The following LRRC37A2 variants were observed in gnomAD, a reference collection of about 807,000 sequenced individuals.
The protein encoded by LRRC37A2 is leucine-rich repeat-containing protein 37A2.
A neutral mutation model predicts 68.8 loss-of-function variants in LRRC37A2; 9 were observed. That is an observed-to-expected ratio of 0.13 (90% CI 0.08 to 0.23). LRRC37A2 has a LOEUF of 0.23. LRRC37A2 is among the 10% of genes least tolerant of loss of function. LRRC37A2 has a pLI of 1.00. For synonymous variants in LRRC37A2, 63 were observed against 367.6 expected (o/e 0.17, Z 9.48); for missense variants, 168 against 950.4 (o/e 0.18, Z 10.82).
chr17:46,766,046 T>A, the LRRC37A2 span, among the ~76,000 whole-genome samples: 5 of 152,166 alleles, frequency 3.3e-5, no homozygotes, highest in Non-Finnish European at 7.4e-5. Context: ...TGTAGCACTT[T>A]ACATAAGATT....
the LRRC37A2 span, among the ~76,000 whole-genome samples, chr17:46,740,475 A>G: frequency 9.2e-5 from 14 of 152,204 alleles, no homozygotes; most frequent in Non-Finnish European, 4.4e-5. Flanking sequence ...GGGTCAATTT[A>G]GGGTATATCA....
chr17:46,992,826 C>T, the LRRC37A2 span, among the ~76,000 whole-genome samples: 1 of 120,312 alleles, frequency 8.3e-6, no homozygotes, highest in Admixed American at 1.1e-4. Flanking sequence ...GCACTCCAGC[C>T]TGGGAGACAA....
the LRRC37A2 span, among the ~76,000 whole-genome samples, chr17:46,812,120 G>A: frequency 6.6e-6 from 1 of 152,158 alleles, no homozygotes; most frequent in Non-Finnish European, 1.5e-5. Context: ...ATGGGATCCA[G>A]CTTCCTTCCT....
the LRRC37A2 span, among the ~76,000 whole-genome samples, chr17:46,392,419 C>CTCTCTTTCTTTCTCTCTT: frequency 3.6e-5 from 2 of 55,752 alleles, 1 homozygote; most frequent in East Asian, 9.3e-4. Flanking sequence ...TTCTCTCTCT[C>CTCTCTTTCTTTCTCTCTT]TCTTTCTTTC....
the LRRC37A2 span, among the ~76,000 whole-genome samples, chr17:46,889,168 G>T: frequency 6.6e-6 from 1 of 152,248 alleles, no homozygotes; most frequent in Non-Finnish European, 1.5e-5. Context: ...GCATGAATAA[G>T]ATTTTGAAAA....
the LRRC37A2 span, among the ~76,000 whole-genome samples, chr17:46,864,223 G>C: frequency 6.6e-6 from 1 of 152,186 alleles, no homozygotes; most frequent in Non-Finnish European, 1.5e-5. Flanking sequence ...CAGTCACCCA[G>C]CCAGAGTCAC....
At chr17:46,807,937 T>C in the LRRC37A2 span, among the ~76,000 whole-genome samples, 1 of 152,118 alleles carries the variant, frequency 6.6e-6, no homozygotes, top group Non-Finnish European at 1.5e-5. Flanking sequence ...GAAGGTCGAA[T>C]TGTAAAAGTG....
chr17:46,846,484 A>G, the LRRC37A2 span, among the ~76,000 whole-genome samples: 4 of 152,374 alleles, frequency 2.6e-5, no homozygotes, highest in East Asian at 7.7e-4. Context: ...AGGACAGTGT[A>G]TATCAACATA....
At chr17:46,744,277 A>G in the LRRC37A2 span, among the ~76,000 whole-genome samples, 22 of 152,334 alleles carry the variant, frequency 1.4e-4, no homozygotes, top group African/African-American at 4.8e-4. Flanking sequence ...GCTAATGTCT[A>G]TTTCATATTT....
chr17:46,931,125 A>G, the LRRC37A2 span: 9 of 1,607,760 alleles, frequency 5.6e-6, no homozygotes, highest in African/African-American at 1.3e-5. Flanking sequence ...CCAAGCAAGC[A>G]TAGACCAGAT....
the LRRC37A2 span, among the ~76,000 whole-genome samples, chr17:46,839,807 G>A: frequency 6.6e-6 from 1 of 152,074 alleles, no homozygotes; most frequent in Non-Finnish European, 1.5e-5. Context: ...ATAGTTTGCT[G>A]AGAATGATGG....
chr17:46,931,910 C>G, the LRRC37A2 span: 1 of 713,048 alleles, frequency 1.4e-6, no homozygotes, highest in Non-Finnish European at 2.5e-6. Flanking sequence ...CTTTCAACAT[C>G]GTTGATCAAA....
the LRRC37A2 span, among the ~76,000 whole-genome samples, chr17:46,985,703 C>G: frequency 1.3e-5 from 2 of 152,156 alleles, no homozygotes; most frequent in Non-Finnish European, 2.9e-5. Flanking sequence ...TCTACTTCTG[C>G]CTCTGCCCCT....
the LRRC37A2 span, among the ~76,000 whole-genome samples, chr17:46,631,080 A>ACACACACG: frequency 6.9e-6 from 1 of 144,022 alleles, no homozygotes; most frequent in Admixed American, 6.7e-5. Flanking sequence ...ACACACACAC[A>ACACACACG]CACACACACA....
chr17:46,786,219 A>T, the LRRC37A2 span, among the ~76,000 whole-genome samples: 1 of 152,030 alleles, frequency 6.6e-6, no homozygotes, highest in Non-Finnish European at 1.5e-5. Context: ...TGGAAACAGG[A>T]GGGAAGAGGG....
the LRRC37A2 span, among the ~76,000 whole-genome samples, chr17:46,490,948 G>A: frequency 2.7e-5 from 4 of 149,794 alleles, no homozygotes; most frequent in Non-Finnish European, 5.9e-5. Context: ...AGGCTGGAGT[G>A]CAGTGGCGCG....
the LRRC37A2 span, among the ~76,000 whole-genome samples, chr17:46,851,031 C>T: frequency 6.0e-4 from 92 of 152,352 alleles, no homozygotes; most frequent in African/African-American, 2.1e-3. This position sits in a 1 kb window ranked among gnomAD's most constrained non-coding sequence, Gnocchi z 4.3. Context: ...GCAACAGGGT[C>T]CCCTGAGCCA....
chr17:46,708,491 CTTT>C, the LRRC37A2 span, among the ~76,000 whole-genome samples: 1 of 124,846 alleles, frequency 8.0e-6, no homozygotes, highest in African/African-American at 3.1e-5. Context: ...GTTACATATC[CTTT>C]TTTTTTTTTT....
At chr17:46,931,056 C>T in the LRRC37A2 span, 1 of 1,019,810 alleles carries the variant, frequency 9.8e-7, no homozygotes, top group Admixed American at 1.7e-5. Flanking sequence ...TTTAAGTTCA[C>T]TATCTCTTTT....
Sources: allele counts gnomAD v4.1 joint callset (sites outside exome capture counted in the v4.1 genomes callset), GRCh38; gene constraint gnomAD v4.1.1; non-coding constraint Gnocchi (gnomAD v3.1); transcripts MANE v1.5; gene names NCBI Gene and HGNC (gene_info 2026-07-23, HGNC 2026-07-21).